Variants in OPCML observed in about 807,000 individuals in gnomAD.
The protein encoded by OPCML is opioid binding protein/cell adhesion molecule like, also known as opioid-binding protein/cell adhesion molecule.
In OPCML, 13 loss-of-function variants were observed where a neutral mutation model predicts 37.8. That is an observed-to-expected ratio of 0.34 (90% confidence interval 0.22 to 0.55). The LOEUF (loss-of-function observed/expected upper bound fraction) is 0.55, where lower values mean the gene tolerates loss of function less well. OPCML is among the 20% of genes least tolerant of loss of function. The pLI, the probability that OPCML is intolerant of heterozygous loss-of-function variation, is 0.91. For synonymous variants in OPCML, 176 were observed against 168.8 expected (o/e 1.04, Z -0.33); for missense variants, 341 against 435.6 (o/e 0.78, Z 1.93).
At chr11:132,992,007 A>G (rs865960385) in intron 1 of OPCML, among the ~76,000 whole-genome samples, 37 of 152,144 alleles carry the variant, frequency 2.4e-4, no homozygotes, top group African/African-American at 8.2e-4. Flanking sequence ...TTGTGGATTA[A>G]TGCTGTAACA....
intron 1 of OPCML, among the ~76,000 whole-genome samples, chr11:133,157,700 A>G (rs548102390): frequency 1.3e-5 from 2 of 152,276 alleles, no homozygotes; most frequent in African/African-American, 2.4e-5. Flanking sequence ...CCCCCTTTGG[A>G]TCAAACTGCA....
At chr11:133,355,861 A>G (rs1442676462) in intron 1 of OPCML, among the ~76,000 whole-genome samples, 1 of 152,230 alleles carries the variant, frequency 6.6e-6, no homozygotes, top group Non-Finnish European at 1.5e-5. Flanking sequence ...CAAGGTCTGC[A>G]GTTCACAGGG....
At chr11:133,111,772 G>A (rs926390896) in intron 1 of OPCML, among the ~76,000 whole-genome samples, 4 of 152,186 alleles carry the variant, frequency 2.6e-5, no homozygotes, top group African/African-American at 9.6e-5. Context: ...TGGGAGGAGA[G>A]TTGATCCTTC....
intron 2 of OPCML, among the ~76,000 whole-genome samples, chr11:132,806,830 C>A (rs891015962): frequency 3.3e-5 from 5 of 152,114 alleles, no homozygotes; most frequent in African/African-American, 1.2e-4. Context: ...ATAAGCTATT[C>A]ACCAATATAT....
intron 3 of OPCML, among the ~76,000 whole-genome samples, chr11:132,564,084 A>G (rs894670033): frequency 2.0e-5 from 3 of 152,188 alleles, no homozygotes; most frequent in Non-Finnish European, 4.4e-5. Flanking sequence ...CCATCTGACA[A>G]AAATCACGTG....
At chr11:132,655,638 C>T (rs1941667552) in intron 3 of OPCML, among the ~76,000 whole-genome samples, 1 of 152,190 alleles carries the variant, frequency 6.6e-6, no homozygotes, top group South Asian at 2.1e-4. Flanking sequence ...AGCAAAGCTT[C>T]AGGCAGCATG....
intron 2 of OPCML, among the ~76,000 whole-genome samples, chr11:132,726,213 A>C (rs1254940077): frequency 1.3e-5 from 2 of 152,212 alleles, no homozygotes; most frequent in Non-Finnish European, 2.9e-5. Flanking sequence ...TTACAAAAGG[A>C]AGAGTTTTAA....
At chr11:132,534,850 A>G (rs941284224) in intron 3 of OPCML, among the ~76,000 whole-genome samples, 5 of 152,132 alleles carry the variant, frequency 3.3e-5, no homozygotes, top group African/African-American at 1.2e-4. Context: ...GTTAGCTGTT[A>G]TTAGCCTTTG....
chr11:133,114,758 A>G (rs1383639484), intron 1 of OPCML, among the ~76,000 whole-genome samples: 1 of 152,120 alleles, frequency 6.6e-6, no homozygotes, highest in Non-Finnish European at 1.5e-5. Context: ...GGTGCTAAAT[A>G]ATTATTTGTT....
At chr11:133,032,307 C>T (rs1395742856) in intron 1 of OPCML, among the ~76,000 whole-genome samples, 1 of 152,106 alleles carries the variant, frequency 6.6e-6, no homozygotes, top group Non-Finnish European at 1.5e-5. Context: ...TACATAATGC[C>T]CCAGCCCAGT....
chr11:133,329,466 G>A (rs1028986378), intron 1 of OPCML, among the ~76,000 whole-genome samples: 15 of 152,144 alleles, frequency 9.9e-5, no homozygotes, highest in Middle Eastern at 3.2e-3. Flanking sequence ...AAACAGCATG[G>A]TACTGTTACC....
In OPCML at chr11:133,265,737, C is replaced by T. The variant is rs539332248; in HGVS notation, c.61+266527G>A. Among the ~76,000 whole-genome samples, 9 of 152,226 alleles carry T rather than the reference C, an allele frequency of 5.9e-5. No homozygotes were observed. The East Asian group carries it at 1.7e-3, about 29-fold the overall frequency. On this transcript the variant is annotated intron_variant, in intron 1 of 7. Transcript: ENST00000524381. ...GGCTGAGTACCACAGACGCTGCCGGCGCTCCTCCCAGGTGTCAGATGATGA... is the reference window on the plus strand; with the variant it reads ...GGCTGAGTACCACAGACGCTGCCGGTGCTCCTCCCAGGTGTCAGATGATGA...
intron 1 of OPCML, among the ~76,000 whole-genome samples, chr11:133,140,056 G>A (rs1003107703): frequency 4.0e-5 from 6 of 151,574 alleles, no homozygotes; most frequent in Non-Finnish European, 7.4e-5. Context: ...GCGTAGTGGC[G>A]CACACCTGTA....
chr11:132,764,634 A>G (rs1026661557), intron 2 of OPCML, among the ~76,000 whole-genome samples: 8 of 152,220 alleles, frequency 5.3e-5, no homozygotes, highest in Non-Finnish European at 1.2e-4. Flanking sequence ...GTAAGAATTC[A>G]GGAGATAGAA....
intron 1 of OPCML, among the ~76,000 whole-genome samples, chr11:133,267,671 C>T (rs1941701864): frequency 6.6e-6 from 1 of 152,184 alleles, no homozygotes; most frequent in African/African-American, 2.4e-5. Flanking sequence ...CAAATCTCAT[C>T]TGGAATTGTA....
rs1221013153 is a variant in OPCML, at chr11:133,485,126, T to C, written c.61+47138A>G. Among the ~76,000 whole-genome samples the C allele has an allele frequency of 2.0e-5, 3 of 152,102 alleles. No homozygotes were observed. In the East Asian group the frequency reaches 5.8e-4, roughly 29 times the overall value. On this transcript the variant is annotated intron_variant, in intron 1 of 7. Transcript: ENST00000524381. ...CTATTGTCATCGAAAAACAACATAG[T>C]TATCTTTTTAAAAATACAAACACTT...
intron 2 of OPCML, among the ~76,000 whole-genome samples, chr11:132,771,236 C>A (rs557143897): frequency 6.6e-6 from 1 of 152,134 alleles, no homozygotes; most frequent in Non-Finnish European, 1.5e-5. Flanking sequence ...AACATTTAAC[C>A]ACTATGCTTT....
chr11:132,460,264 C>A (rs75450552), intron 4 of OPCML, among the ~76,000 whole-genome samples: 3 of 151,714 alleles, frequency 2.0e-5, no homozygotes, highest in African/African-American at 7.3e-5. Flanking sequence ...AATGCAATGA[C>A]TGCTAGCAAA....
intron 1 of OPCML, among the ~76,000 whole-genome samples, chr11:132,986,253 G>T (rs1946680106): frequency 6.6e-6 from 1 of 152,066 alleles, no homozygotes; most frequent in Non-Finnish European, 1.5e-5. Flanking sequence ...ACTCTGACTA[G>T]ATTCCTTGAG....
Sources: gnomAD v4.1 joint callset for allele counts (sites outside exome capture counted in the v4.1 genomes callset) on GRCh38, gnomAD v4.1.1 for gene constraint, MANE v1.5 for transcripts, NCBI Gene and HGNC (gene_info 2026-07-23, HGNC 2026-07-21) for gene names.